The following SMCHD1 variants were observed in gnomAD, a reference collection of about 807,000 sequenced individuals.
SMCHD1 encodes structural maintenance of chromosomes flexible hinge domain containing 1.
SMCHD1 carries 78 observed loss-of-function variants against 254.7 expected under a neutral mutation model. That is an observed-to-expected ratio of 0.31 (90% CI 0.26 to 0.37). The LOEUF (loss-of-function observed/expected upper bound fraction) is 0.37. Among genes scored for constraint, SMCHD1 ranks in the 10% least tolerant of loss-of-function variants. The pLI is 1.00. For synonymous variants in SMCHD1, 766 were observed against 794.9 expected (o/e 0.96, Z 0.61); for missense variants, 1,840 against 2,408.1 (o/e 0.76, Z 4.94).
intron 20 of SMCHD1, among the ~76,000 whole-genome samples, chr18:2,723,256 A>C (rs188741000): frequency 2.2e-4 from 33 of 152,294 alleles, no homozygotes; most frequent in Non-Finnish European, 1.3e-4. Context: ...CTGATAAAGC[A>C]AATGGTTAGG....
intron 7 of SMCHD1, among the ~76,000 whole-genome samples, chr18:2,689,697 G>A (rs2143064484): frequency 6.6e-6 from 1 of 151,728 alleles, no homozygotes; most frequent in Admixed American, 6.6e-5. Context: ...CCAAAGTGTT[G>A]GGATTACGGG....
Position 2,750,525 on chromosome 18 carries a change from A to G in SMCHD1, c.4165+18A>G. ...TTTCACTGGTGAGTATTTCACATAC[A>G]TAAATAAATCTATAATGATAATTTG... On this transcript the variant is annotated intron_variant, in intron 32 of 47. Transcript: ENST00000320876. 1.3e-6 allele frequency: 2 copies of G among 1,561,062 alleles called. No individual in the cohort carries two copies. The highest frequency in any genetic ancestry group is 1.2e-5 in the South Asian group (1 of 85,448).
chr18:2,723,274 T>TA (rs1464848941), intron 20 of SMCHD1, among the ~76,000 whole-genome samples: 3 of 152,188 alleles, frequency 2.0e-5, no homozygotes, highest in African/African-American at 7.2e-5. Flanking sequence ...AGGGTTTTTT[T>TA]AAAAGCTTTC....
chr18:2,704,245 A>T (rs145627967), intron 13 of SMCHD1, among the ~76,000 whole-genome samples: 1 of 152,192 alleles, frequency 6.6e-6, no homozygotes, highest in Admixed American at 6.5e-5. Flanking sequence ...TTATTATAGC[A>T]TTAAAAAAAC....
At chr18:2,782,719 T>A (rs1158188190) in intron 44 of SMCHD1, among the ~76,000 whole-genome samples, 1 of 114,700 alleles carries the variant, frequency 8.7e-6, no homozygotes, top group Non-Finnish European at 1.6e-5. Context: ...CACTCCAGCC[T>A]GGGCAACAGA....
chr18:2,715,617 C>T (rs1468248821), intron 17 of SMCHD1, among the ~76,000 whole-genome samples: 1 of 152,082 alleles, frequency 6.6e-6, no homozygotes, highest in East Asian at 1.9e-4. Context: ...TCCCAGGAGG[C>T]TGAAGTGGGA....
intron 24 of SMCHD1, among the ~76,000 whole-genome samples, chr18:2,731,502 G>C (rs2075139445): frequency 6.6e-6 from 1 of 152,030 alleles, no homozygotes; most frequent in African/African-American, 2.4e-5. Flanking sequence ...AAACAACCTT[G>C]ATCACTTACC....
At chr18:2,676,006 T>C (rs113788331) in intron 5 of SMCHD1, among the ~76,000 whole-genome samples, 5 of 152,198 alleles carry the variant, frequency 3.3e-5, no homozygotes, top group African/African-American at 1.2e-4. Context: ...TTTAAGTCCA[T>C]TATCAGTTCC....
At position 2,660,094 on chromosome 18, in the gene SMCHD1, C is replaced by T. The variant is rs558245889; in HGVS notation, c.186+3833C>T. On this transcript the variant is annotated intron_variant, in intron 1 of 47. Transcript: ENST00000320876. ...ATCCCAACACTTCGGGAGGCCAAGG[C>T]GGGCGGATCACCTGAGGTCAGGAGT... Among the ~76,000 whole-genome samples the T allele has an allele frequency of 4.6e-5, 7 of 152,220 alleles. No homozygotes were observed. In the South Asian group the frequency reaches 6.2e-4, roughly 14 times the overall value.
rs2076411995 is a variant in SMCHD1 at position 2,804,349 on chromosome 18, T to A, written c.*1797T>A. On this transcript the variant is annotated 3_prime_UTR_variant, in exon 48 of 48. Coordinates refer to ENST00000320876, the MANE Select transcript of SMCHD1 (RefSeq NM_015295.3). ...AGTGGCCTCACTACATTGCCCAGGC[T>A]AGTCTTGAACTCCTGGGTTCAAGCA... The A allele has an allele frequency of 6.6e-6, 1 of 152,278 alleles. No individual in the cohort carries two copies. Among genetic ancestry groups the A allele is most frequent in the East Asian group, 1.9e-4 (1 of 5,176 alleles). The allele number at this position is 152,278 out of a possible 1,614,324, so 9.4% of individuals were successfully genotyped here.
chr18:2,679,544 T>C (rs2143886476), intron 5 of SMCHD1, among the ~76,000 whole-genome samples: 1 of 149,608 alleles, frequency 6.7e-6, no homozygotes, highest in African/African-American at 2.4e-5. Flanking sequence ...ACTTTGAATA[T>C]GTTCGTTCAC....
intron 12 of SMCHD1, among the ~76,000 whole-genome samples, chr18:2,702,961 A>G (rs1026421137): frequency 5.3e-5 from 8 of 152,200 alleles, no homozygotes; most frequent in African/African-American, 1.9e-4. Context: ...AAACAAGTGT[A>G]TAGCACCTTA....
chr18:2,660,311 C>T (rs900487574), intron 1 of SMCHD1, among the ~76,000 whole-genome samples: 5 of 151,638 alleles, frequency 3.3e-5, no homozygotes, highest in Admixed American at 6.6e-5. Flanking sequence ...GGTGGCAGAG[C>T]GAGACTCTTG....
At chr18:2,761,339 C>T (rs2075779528) in intron 35 of SMCHD1, among the ~76,000 whole-genome samples, 1 of 152,094 alleles carries the variant, frequency 6.6e-6, no homozygotes, top group Non-Finnish European at 1.5e-5. Flanking sequence ...GTGACGGGAT[C>T]ATTAGAAGCC....
intron 41 of SMCHD1, among the ~76,000 whole-genome samples, 173 bp downstream of exon 41, chr18:2,772,545 T>A (rs2076002054): frequency 6.6e-6 from 1 of 152,224 alleles, no homozygotes; most frequent in Non-Finnish European, 1.5e-5. Context: ...AAAACTGAAA[T>A]CTGTAATGTT....
intron 41 of SMCHD1, among the ~76,000 whole-genome samples, chr18:2,773,860 T>G (rs545665051): frequency 6.6e-6 from 1 of 152,016 alleles, no homozygotes; most frequent in South Asian, 2.1e-4. Context: ...GAAGCGGAGG[T>G]TGCAGTGAGC....
At chr18:2,692,550 T>G (rs2074203131) in intron 7 of SMCHD1, among the ~76,000 whole-genome samples, 1 of 152,212 alleles carries the variant, frequency 6.6e-6, no homozygotes, top group African/African-American at 2.4e-5. Flanking sequence ...TTTATATTAT[T>G]TTCTTTCATC....
At chr18:2,674,228 A>G in intron 5 of SMCHD1, 83 bp downstream of exon 5, 2 of 1,155,550 alleles carry the variant, frequency 1.7e-6, no homozygotes, top group Non-Finnish European at 2.4e-6. Context: ...TTGGATGCAT[A>G]TGATACATTG....
chr18:2,656,403 G>GCC (rs1261971326), intron 1 of SMCHD1, 142 bp downstream of exon 1: 11 of 805,830 alleles, frequency 1.4e-5, no homozygotes, highest in Admixed American at 4.3e-5. Context: ...CCGTGTGCCC[G>GCC]CCATGTCCGT....
Sources: gnomAD v4.1 joint callset for allele counts (sites outside exome capture counted in the v4.1 genomes callset) on GRCh38, gnomAD v4.1.1 for gene constraint, MANE v1.5 for transcripts, NCBI Gene and HGNC (gene_info 2026-07-23, HGNC 2026-07-21) for gene names.